Variants in SH2D4A observed in about 807,000 individuals in gnomAD.
SH2D4A encodes SH2 domain containing 4A, also known as SH2 domain-containing protein 4A.
Under a neutral mutation model 64.7 loss-of-function variants are expected in SH2D4A, and 70 were observed. That is an observed-to-expected ratio of 1.08 (90% confidence interval 0.89 to 1.32). The LOEUF (loss-of-function observed/expected upper bound fraction) is 1.32. Among genes scored for constraint, SH2D4A ranks in the 40% most tolerant of loss-of-function variants. The pLI is 0.00. For synonymous variants in SH2D4A, 268 were observed against 200.7 expected (o/e 1.34, Z -2.83); for missense variants, 706 against 540.1 (o/e 1.31, Z -3.04).
rs1035160576 is a variant in SH2D4A at position 19,313,875 on chromosome 8, A to T, written c.-205+52A>T. The T allele has an allele frequency of 1.1e-4, 155 of 1,396,100 alleles. 4 individuals carry two copies. In the African/African-American group the frequency reaches 2.2e-3, roughly 19 times the overall value. The allele number at this position is 1,396,100 out of a possible 1,614,324, so 86.5% of individuals were successfully genotyped here. A position where few individuals can be genotyped will look rare whatever the true frequency, so the allele number is the denominator to read the frequency against. On this transcript the variant is annotated intron_variant, in intron 1 of 9. Coordinates refer to ENST00000265807, the MANE Select transcript of SH2D4A (RefSeq NM_022071.4). The stretch of plus-strand genomic sequence containing the variant: ...TTGGGGAGAGTGTGCGTGGGGTGGG[A>T]GTAGGGGGAAGGGAATTTCCTCGGA...
At chr8:19,314,591 C>G (rs1175932290) in intron 1 of SH2D4A, among the ~76,000 whole-genome samples, 2 of 152,204 alleles carry the variant, frequency 1.3e-5, no homozygotes, top group Non-Finnish European at 2.9e-5. Context: ...TCTCCCTTCC[C>G]AGGGAGCTTA....
chr8:19,317,004 T>C (rs1195275436), intron 1 of SH2D4A, among the ~76,000 whole-genome samples: 1 of 152,180 alleles, frequency 6.6e-6, no homozygotes, highest in African/African-American at 2.4e-5. Flanking sequence ...GAATATGACT[T>C]TGACACTTTA....
chr8:19,329,192 T>A (rs977333024), intron 2 of SH2D4A, among the ~76,000 whole-genome samples: 8 of 152,170 alleles, frequency 5.3e-5, no homozygotes, highest in Non-Finnish European at 1.0e-4. Flanking sequence ...ATATCCATCC[T>A]CCCATACTCA....
At chr8:19,375,150 T>C (rs2053170894) in intron 8 of SH2D4A, 1 of 152,188 alleles carries the variant, frequency 6.6e-6, no homozygotes, top group South Asian at 2.1e-4. Flanking sequence ...TAACTTGCAT[T>C]CTTATCAATT....
rs779657651 is a variant in SH2D4A, at chr8:19,333,095, C to A, written c.322C>A (p.Gln108Lys). 1 of 1,612,800 alleles carries A rather than the reference C, an allele frequency of 6.2e-7. No individual in the cohort carries two copies. The highest frequency in any genetic ancestry group is 8.5e-7 in the Non-Finnish European group (1 of 1,179,742). Residue 108 changes from glutamine to lysine, a missense_variant, in exon 3 of 10, where the codon CAG (glutamine) becomes AAG (lysine). By Grantham distance (53) the Gln-to-Lys change is moderately conservative. Transcript: ENST00000265807. ...IAERARLKAE[Q>K]EAEEPRKTHS... Reference sequence around the variant, plus strand: ...TGAGAGGGCCCGGCTGAAAGCAGAACAGGAGGCAGAAGAGCCCAGGTATGA... The same window carrying A: ...TGAGAGGGCCCGGCTGAAAGCAGAAAAGGAGGCAGAAGAGCCCAGGTATGA...
intron 8 of SH2D4A, among the ~76,000 whole-genome samples, chr8:19,377,040 T>C (rs2053207256): frequency 6.6e-6 from 1 of 152,178 alleles, no homozygotes; most frequent in African/African-American, 2.4e-5. Flanking sequence ...CCAGGTGTAA[T>C]GAATATTAAC....
intron 2 of SH2D4A, among the ~76,000 whole-genome samples, chr8:19,321,040 T>C (rs1375854524): frequency 6.6e-6 from 1 of 152,184 alleles, no homozygotes; most frequent in Non-Finnish European, 1.5e-5. Context: ...AACAGAAATA[T>C]GTCATTTCCT....
chr8:19,338,043 A>G (rs2052472051), intron 4 of SH2D4A, among the ~76,000 whole-genome samples: 1 of 152,210 alleles, frequency 6.6e-6, no homozygotes, highest in Non-Finnish European at 1.5e-5. Flanking sequence ...TCTAGTCTCC[A>G]GAACTGTGAG....
chr8:19,323,609 G>A (rs2052226801), intron 2 of SH2D4A, among the ~76,000 whole-genome samples: 1 of 152,162 alleles, frequency 6.6e-6, no homozygotes, highest in Non-Finnish European at 1.5e-5. Flanking sequence ...TCAAATTCCT[G>A]ACCTTAGGTG....
chr8:19,343,968 A>G (rs2052570690), intron 4 of SH2D4A, among the ~76,000 whole-genome samples: 1 of 152,294 alleles, frequency 6.6e-6, no homozygotes, highest in East Asian at 1.9e-4. Flanking sequence ...GCGAAATGTC[A>G]GTGGTAAGAA....
intron 8 of SH2D4A, among the ~76,000 whole-genome samples, chr8:19,391,455 C>G (rs2053491459): frequency 6.6e-6 from 1 of 152,140 alleles, no homozygotes; most frequent in South Asian, 2.1e-4. Context: ...GCATGTGCAT[C>G]AGTCGTCTGC....
chr8:19,341,078 T>C (rs2052522061), intron 4 of SH2D4A, among the ~76,000 whole-genome samples: 1 of 152,236 alleles, frequency 6.6e-6, no homozygotes, highest in African/African-American at 2.4e-5. Context: ...GCCCTCATTT[T>C]TGTATGTCTA....
chr8:19,314,438 C>T (rs2052051463), intron 1 of SH2D4A, among the ~76,000 whole-genome samples: 1 of 152,128 alleles, frequency 6.6e-6, no homozygotes, highest in Non-Finnish European at 1.5e-5. Flanking sequence ...GCGCCGCCTC[C>T]CTCGGGCTGC....
chr8:19,375,108 T>TA (rs1322716525), intron 8 of SH2D4A: 1 of 152,164 alleles, frequency 6.6e-6, no homozygotes, highest in Non-Finnish European at 1.5e-5. Flanking sequence ...GAGGTTTGGT[T>TA]AAAAAATATG....
chr8:19,373,166 A>G (rs2053132416), intron 7 of SH2D4A, among the ~76,000 whole-genome samples: 1 of 151,960 alleles, frequency 6.6e-6, no homozygotes, highest in Non-Finnish European at 1.5e-5. Context: ...GCCCTTTAAG[A>G]CTGGAAGCAC....
At chr8:19,382,965 G>A (rs2053323135) in intron 8 of SH2D4A, among the ~76,000 whole-genome samples, 1 of 150,502 alleles carries the variant, frequency 6.6e-6, no homozygotes, top group Admixed American at 6.7e-5. Flanking sequence ...TCAAGTAGTT[G>A]GGACTATAGG....
chr8:19,364,901 A>G (rs758043810), intron 7 of SH2D4A, among the ~76,000 whole-genome samples: 53 of 152,196 alleles, frequency 3.5e-4, no homozygotes, highest in Non-Finnish European at 5.7e-4. Flanking sequence ...AGGAAGAACC[A>G]TTTGTTCTGG....
chr8:19,368,091 T>C (rs1347623933), intron 7 of SH2D4A, among the ~76,000 whole-genome samples: 1 of 152,192 alleles, frequency 6.6e-6, no homozygotes, highest in Non-Finnish European at 1.5e-5. Context: ...TCTAGTTTTC[T>C]CAGTACCATA....
In SH2D4A at chr8:19,334,748, A is replaced by C; in HGVS notation, c.404A>C (p.Gln135Pro). 6.2e-7 allele frequency: 1 copy of C among 1,614,136 alleles called. No homozygotes were observed. Residue 135 changes from glutamine (Q) to proline (P), a missense_variant, in exon 4 of 10, where the codon CAG (glutamine) becomes CCG (proline). Coordinates refer to ENST00000265807, the MANE Select transcript of SH2D4A (RefSeq NM_022071.4). ...ACAAAATCACAGTACCATGATCTGC[A>C]GGCTCCGGATAACCAGCAGACTAAA... ...LKTKSQYHDL[Q>P]APDNQQTKDI... is the part of the protein sequence containing the mutation.
Sources: allele counts gnomAD v4.1 joint callset (sites outside exome capture counted in the v4.1 genomes callset), GRCh38; gene constraint gnomAD v4.1.1; transcripts MANE v1.5; gene names NCBI Gene and HGNC (gene_info 2026-07-23, HGNC 2026-07-21).